The following AMPD3 variants were observed in gnomAD, a reference collection of about 807,000 sequenced individuals.
AMPD3 encodes adenosine monophosphate deaminase 3, also known as AMP deaminase 3.
A neutral mutation model predicts 82.3 loss-of-function variants in AMPD3; 57 were observed. That is an observed-to-expected ratio of 0.69 (90% CI 0.56 to 0.86). The LOEUF (loss-of-function observed/expected upper bound fraction) is 0.86. Among genes scored for constraint, AMPD3 ranks in the 40% least tolerant of loss-of-function variants. AMPD3 has a pLI of 0.00. For synonymous variants in AMPD3, 381 were observed against 394.7 expected (o/e 0.97, Z 0.41); for missense variants, 870 against 1,003.8 (o/e 0.87, Z 1.80).
intron 8 of AMPD3, 139 bp from the exon 9 acceptor site, chr11:10,495,431 C>T: frequency 1.3e-6 from 2 of 1,543,904 alleles, no homozygotes; most frequent in Middle Eastern, 2.3e-4. Flanking sequence ...GAGCAGGCAG[C>T]CCTGGGGATT....
At chr11:10,493,582 A>G (rs1849302909) in intron 7 of AMPD3, 39 bp downstream of exon 7, 1 of 1,606,600 alleles carries the variant, frequency 6.2e-7, no homozygotes, top group South Asian at 1.1e-5. Context: ...AGCAGACAGC[A>G]GCCCTGGCTG....
upstream of AMPD3, chr11:10,451,093 C>T (rs750825072): frequency 9.0e-6 from 14 of 1,550,364 alleles, no homozygotes; most frequent in Non-Finnish European, 1.1e-5. Context: ...CCCCGCGGAC[C>T]CTGCGGCCCA....
intron 3 of AMPD3, chr11:10,481,483 C>G: frequency 1.0e-6 from 1 of 985,346 alleles, no homozygotes; most frequent in Non-Finnish European, 1.2e-6. Context: ...TGTCTGTCTT[C>G]CAACGACCCT....
Position 10,456,402 on chromosome 11 carries a change from G to C in AMPD3, c.-6+954G>C. 2 of 1,613,824 alleles carry C rather than the reference G, an allele frequency of 1.2e-6. No individual in the cohort carries two copies. Among genetic ancestry groups the C allele is most frequent in the Non-Finnish European group, 1.7e-6 (2 of 1,179,706 alleles). On this transcript the variant is annotated intron_variant, in intron 1 of 14. Coordinates refer to ENST00000396553, the MANE Select transcript of AMPD3 (RefSeq NM_001025389.2). The surrounding 1 kb of genome is among the most constrained non-coding windows in gnomAD (Gnocchi z 4.3). ...AGGACCAGTCATGGAGCCAGGCTCAGGTCTGTGTCGGGGCTTCTGCAAGGG... is the reference window on the plus strand; with the variant it reads ...AGGACCAGTCATGGAGCCAGGCTCACGTCTGTGTCGGGGCTTCTGCAAGGG...
intron 2 of AMPD3, among the ~76,000 whole-genome samples, chr11:10,475,239 A>G (rs1250367760): frequency 6.6e-6 from 1 of 152,038 alleles, no homozygotes; most frequent in Non-Finnish European, 1.5e-5. Flanking sequence ...ACACACTTTT[A>G]AATGCCCAGA....
At chr11:10,497,184 C>T (rs1338996509) in intron 10 of AMPD3, among the ~76,000 whole-genome samples, 2 of 152,202 alleles carry the variant, frequency 1.3e-5, no homozygotes, top group South Asian at 4.2e-4. Context: ...GTAGGCCTTT[C>T]CCCCAGCAGG....
Position 10,456,415 on chromosome 11 carries a change from G to T in AMPD3, c.-6+967G>T. On this transcript the variant is annotated intron_variant, in intron 1 of 14. Transcript: ENST00000396553. This position sits in a 1 kb window ranked among gnomAD's most constrained non-coding sequence, Gnocchi z 4.3. Reference sequence around the variant, plus strand: ...GAGCCAGGCTCAGGTCTGTGTCGGGGCTTCTGCAAGGGGAGTCTGGCAAGA... The same window carrying T: ...GAGCCAGGCTCAGGTCTGTGTCGGGTCTTCTGCAAGGGGAGTCTGGCAAGA... 6.2e-7 allele frequency: 1 copy of T among 1,613,790 alleles called. No individual in the cohort carries two copies. Among genetic ancestry groups the T allele is most frequent in the Non-Finnish European group, 8.5e-7 (1 of 1,179,700 alleles).
At chr11:10,462,202 ACAAGTTATAATAAG>A (rs1848291447) in intron 2 of AMPD3, among the ~76,000 whole-genome samples, 1 of 152,232 alleles carries the variant, frequency 6.6e-6, no homozygotes, top group African/African-American at 2.4e-5. Context: ...CTTAAAAATT[ACAAGTTATAATAAG>A]TGCTGTATCA....
intron 6 of AMPD3, chr11:10,490,724 T>C (rs1849216283): frequency 1.1e-6 from 1 of 887,898 alleles, no homozygotes; most frequent in Non-Finnish European, 1.3e-6. Flanking sequence ...GGTGTGTCAT[T>C]GGTAAGCCAG....
chr11:10,466,257 G>A (rs564466585), intron 2 of AMPD3, among the ~76,000 whole-genome samples: 3 of 150,802 alleles, frequency 2.0e-5, no homozygotes, highest in South Asian at 2.1e-4. Context: ...GCAAAACTCC[G>A]TCTCAAAGAA....
chr11:10,496,278 C>T (rs746347856), intron 9 of AMPD3: 161 of 985,256 alleles, frequency 1.6e-4, no homozygotes, highest in Non-Finnish European at 1.9e-4. Flanking sequence ...AACTACTACC[C>T]CCGCCTTCTT....
chr11:10,494,806 C>A (rs1437166611), intron 7 of AMPD3, 93 bp from the exon 8 acceptor site: 1 of 1,581,958 alleles, frequency 6.3e-7, no homozygotes, highest in Middle Eastern at 2.2e-4. Context: ...TTCGGTGTGG[C>A]CATACAGAAG....
intron 2 of AMPD3, among the ~76,000 whole-genome samples, chr11:10,475,341 C>T (rs1036290252): frequency 6.6e-6 from 1 of 152,138 alleles, no homozygotes. Flanking sequence ...CACCTCCCAC[C>T]AGCCCCTACC....
At position 10,486,285 on chromosome 11, in the gene AMPD3, G is replaced by A. The variant is rs989599430; in HGVS notation, c.810-950G>A. Among the ~76,000 whole-genome samples the A allele has an allele frequency of 3.3e-5, 5 of 152,346 alleles. No individual in the cohort carries two copies. In the East Asian group the frequency reaches 9.6e-4, roughly 29 times the overall value. On this transcript the variant is annotated intron_variant, in intron 5 of 14. Coordinates refer to ENST00000396553, the MANE Select transcript of AMPD3 (RefSeq NM_001025389.2). ...TGGGCAGATGGATGACTGTGCTGTT[G>A]CAGTGCCGGCAGATGCTCTTATGGA...
At position 10,490,334 on chromosome 11, in the gene AMPD3, C is replaced by T. The variant is rs183765720; in HGVS notation, c.939+2970C>T. 3.7e-5 allele frequency: 8 copies of T among 215,678 alleles called. No individual in the cohort carries two copies. In the Admixed American group the frequency reaches 5.2e-4, roughly 14 times the overall value. 13.4% of individuals were successfully genotyped at this position (215,678 alleles called of 1,614,324 possible). A position where few individuals can be genotyped will look rare whatever the true frequency, so the allele number is the denominator to read the frequency against. On this transcript the variant is annotated intron_variant, in intron 6 of 14. Coordinates refer to ENST00000396553, the MANE Select transcript of AMPD3 (RefSeq NM_001025389.2). ...GTGACATCCACTGTGGTTTAAGTGT[C>T]ATATTAAGAATAGCAAATAGGTTTT...
chr11:10,484,351 C>T (rs1294453080), intron 4 of AMPD3: 5 of 985,270 alleles, frequency 5.1e-6, no homozygotes, highest in Non-Finnish European at 6.0e-6. Flanking sequence ...TCTAGCCCCT[C>T]ACCTGGCCTG....
At position 10,495,555 on chromosome 11, in the gene AMPD3, C is replaced by T; in HGVS notation, c.1267-15C>T. ...TGGGATGCACTGGGGCTGACCCAAGCTCTTCTTGTGCCAGGAGGTTGCCCG... is the reference window on the plus strand; with the variant it reads ...TGGGATGCACTGGGGCTGACCCAAGTTCTTCTTGTGCCAGGAGGTTGCCCG... On this transcript the variant is annotated splice_polypyrimidine_tract_variant and intron_variant, in intron 8 of 14. Transcript: ENST00000396553. The T allele has an allele frequency of 6.2e-7, 1 of 1,612,486 alleles. No homozygotes were observed. Among genetic ancestry groups the T allele is most frequent in the Non-Finnish European group, 8.5e-7 (1 of 1,180,026 alleles).
rs12284175 is a variant in AMPD3 at position 10,498,135 on chromosome 11, G to A, written c.1557+1197G>A. 7.0e-3 allele frequency among the ~76,000 whole-genome samples: 1,070 copies of A among 152,352 alleles called. 7 individuals carry two copies. The highest frequency in any genetic ancestry group is 0.02 in the Middle Eastern group (6 of 294). Reference sequence around the variant, plus strand: ...CTATGTTGCCTCCCAAGTGAGAATAGTAAGGTGCACAGCAGCTACCAGCTT... The same window carrying A: ...CTATGTTGCCTCCCAAGTGAGAATAATAAGGTGCACAGCAGCTACCAGCTT... On this transcript the variant is annotated intron_variant, in intron 10 of 14. Coordinates refer to ENST00000396553, the MANE Select transcript of AMPD3 (RefSeq NM_001025389.2).
chr11:10,493,441 T>C lies in AMPD3; in HGVS notation c.1032T>C (p.Thr344=). The C allele has an allele frequency of 6.2e-7, 1 of 1,614,240 alleles. No individual in the cohort carries two copies. Among genetic ancestry groups the C allele is most frequent in the Non-Finnish European group, 8.5e-7 (1 of 1,180,042 alleles). Residue 344 remains threonine, a synonymous_variant, in exon 7 of 15, where the codon ACT becomes ACC. Coordinates refer to ENST00000396553, the MANE Select transcript of AMPD3 (RefSeq NM_001025389.2). ...CATACCAGACGGAGCCTGACAGGAC[T>C]GTGGCAGAGAAGCGGGGCCGGAAGA... is the stretch of plus-strand genomic sequence containing the variant. ...KHTYQTEPDR[T]VAEKRGRKIT...
Sources: gnomAD v4.1 joint callset for allele counts (sites outside exome capture counted in the v4.1 genomes callset) on GRCh38, gnomAD v4.1.1 for gene constraint, Gnocchi (gnomAD v3.1) non-coding constraint, MANE v1.5 for transcripts, NCBI Gene and HGNC (gene_info 2026-07-23, HGNC 2026-07-21) for gene names.